Variants in MSI2 observed in about 807,000 individuals in gnomAD.
MSI2 encodes RNA-binding protein Musashi homolog 2.
A neutral mutation model predicts 45.6 loss-of-function variants in MSI2; 17 were observed. That is an observed-to-expected ratio of 0.37 (90% CI 0.26 to 0.56). The LOEUF is 0.56. Ranked by LOEUF, MSI2 falls within the 20% of genes least tolerant of loss-of-function variation. The pLI is 0.77. For synonymous variants in MSI2, 156 were observed against 158.2 expected, an observed-to-expected ratio of 0.99 and a Z score of 0.11; for missense variants, 293 against 444.2, an observed-to-expected ratio of 0.66 and a Z score of 3.06.
intron 6 of MSI2, among the ~76,000 whole-genome samples, chr17:57,447,149 G>A (rs769220548): frequency 4.6e-5 from 7 of 152,250 alleles, no homozygotes; most frequent in Admixed American, 3.9e-4. Flanking sequence ...GTGCAGTGAC[G>A]CGATCATAAC....
At position 57,652,811 on chromosome 17, in the gene MSI2, G is replaced by A. The variant is rs1365884325; in HGVS notation, c.790+650G>A. Among the ~76,000 whole-genome samples, 1 of 152,254 alleles carries A rather than the reference G, an allele frequency of 6.6e-6. No homozygotes were observed. Among genetic ancestry groups the A allele is most frequent in the Non-Finnish European group, 1.5e-5 (1 of 68,050 alleles). On this transcript the variant is annotated intron_variant, in intron 11 of 13. Transcript: ENST00000284073. This position sits in a 1 kb window ranked among gnomAD's most constrained non-coding sequence, Gnocchi z 4.1. ...TCCAAAGCCAACCTTTTGGAGGTCT[G>A]GAACCCCTCAAGTGACATGGGAACA...
chr17:57,367,840 C>T (rs545089846), intron 5 of MSI2, among the ~76,000 whole-genome samples: 1 of 152,162 alleles, frequency 6.6e-6, no homozygotes, highest in Non-Finnish European at 1.5e-5. Context: ...ATGCTGCCAC[C>T]AGGCCATCCC....
chr17:57,540,539 C>G (rs8072972), intron 7 of MSI2, among the ~76,000 whole-genome samples: 7,691 of 152,230 alleles, frequency 0.051, 259 homozygotes, highest in African/African-American at 0.093. Context: ...GAAAGAGGGT[C>G]TTTGGAGGTG....
At chr17:57,304,097 G>A (rs576769563) in intron 5 of MSI2, among the ~76,000 whole-genome samples, 4 of 152,278 alleles carry the variant, frequency 2.6e-5, no homozygotes, top group African/African-American at 9.6e-5. Flanking sequence ...CATGGCTCAC[G>A]CCTGTAATCC....
intron 6 of MSI2, among the ~76,000 whole-genome samples, chr17:57,463,710 G>A (rs1297552227): frequency 3.3e-5 from 5 of 150,362 alleles, no homozygotes; most frequent in Admixed American, 3.3e-4. Flanking sequence ...CACTGCTCCA[G>A]CCCCCTGCTC....
chr17:57,457,512 A>T (rs1446128012), intron 6 of MSI2, among the ~76,000 whole-genome samples: 2 of 152,214 alleles, frequency 1.3e-5, no homozygotes, highest in East Asian at 1.9e-4. Context: ...AATTATCTTT[A>T]GTCTTTAAAT....
chr17:57,396,567 AG>A, intron 5 of MSI2, among the ~76,000 whole-genome samples: 1 of 152,344 alleles, frequency 6.6e-6, no homozygotes, highest in Admixed American at 6.5e-5. Flanking sequence ...GTTTAGAGGC[AG>A]GGAGGTGGAG....
intron 10 of MSI2, among the ~76,000 whole-genome samples, chr17:57,643,634 T>G (rs1373529430): frequency 6.6e-6 from 1 of 152,266 alleles, no homozygotes; most frequent in African/African-American, 2.4e-5. Context: ...TTCTATTTTA[T>G]GCTTCCACAA....
intron 5 of MSI2, among the ~76,000 whole-genome samples, chr17:57,341,158 G>A (rs894485619): frequency 1.3e-5 from 2 of 152,162 alleles, no homozygotes; most frequent in Non-Finnish European, 2.9e-5. Flanking sequence ...GGGCTGGGGT[G>A]GGCCAGGGAA....
At chr17:57,378,699 T>C (rs913211038) in intron 5 of MSI2, among the ~76,000 whole-genome samples, 9 of 152,138 alleles carry the variant, frequency 5.9e-5, no homozygotes, top group African/African-American at 2.2e-4. Flanking sequence ...GCCCGGCCCA[T>C]TTCTTGTTTA....
intron 11 of MSI2, among the ~76,000 whole-genome samples, chr17:57,674,337 C>A (rs765641965): frequency 7.7e-4 from 114 of 148,572 alleles, no homozygotes; most frequent in East Asian, 1.4e-3. Context: ...AAAAAAAAAA[C>A]AAAACAAATT....
intron 5 of MSI2, among the ~76,000 whole-genome samples, chr17:57,296,014 T>G (rs1243296694): frequency 7.1e-6 from 1 of 141,308 alleles, no homozygotes; most frequent in Non-Finnish European, 1.5e-5. Flanking sequence ...TTTTTTTTTT[T>G]TTTTTTTTTT....
intron 10 of MSI2, among the ~76,000 whole-genome samples, chr17:57,641,980 C>T (rs897302755): frequency 2.6e-5 from 4 of 152,188 alleles, no homozygotes; most frequent in Non-Finnish European, 4.4e-5. Context: ...GGGCCAGCGT[C>T]GGAGCCCTTG....
intron 13 of MSI2, 37 bp downstream of exon 13, chr17:57,677,096 G>C: frequency 2.4e-5 from 34 of 1,446,556 alleles, no homozygotes; most frequent in Non-Finnish European, 3.2e-5. Context: ...TGCCCTGCCG[G>C]TGTGTCCGTA....
intron 10 of MSI2, chr17:57,632,146 G>A (rs1909437697): frequency 8.3e-7 from 1 of 1,200,682 alleles, no homozygotes; most frequent in Admixed American, 4.5e-5. Flanking sequence ...CTCCTCAGGG[G>A]AAGCTAGGAA....
chr17:57,402,282 C>T (rs547325897), intron 6 of MSI2, among the ~76,000 whole-genome samples: 126 of 152,242 alleles, frequency 8.3e-4, no homozygotes, highest in African/African-American at 2.9e-3. Flanking sequence ...TTGTGTATAC[C>T]ACCCTCCTCT....
chr17:57,323,180 C>T (rs557035570), intron 5 of MSI2, among the ~76,000 whole-genome samples: 3 of 152,178 alleles, frequency 2.0e-5, no homozygotes, highest in Non-Finnish European at 4.4e-5. Context: ...AAGATTCCCA[C>T]CCCCAAGGCA....
At chr17:57,383,462 G>C (rs2083632816) in intron 5 of MSI2, among the ~76,000 whole-genome samples, 1 of 152,176 alleles carries the variant, frequency 6.6e-6, no homozygotes. Flanking sequence ...TTCGAGACCA[G>C]CCTGGCCAAC....
chr17:57,298,697 G>A lies in MSI2; in HGVS notation c.312+36505G>A, dbSNP rs527853252. On this transcript the variant is annotated intron_variant, in intron 5 of 13. Coordinates refer to ENST00000284073, the MANE Select transcript of MSI2 (RefSeq NM_138962.4). ...GATGTGCTATCATCCAGGCTTTGTT[G>A]TTCAAATTTATAGAGCACAGGCAGA... is the stretch of plus-strand genomic sequence containing the variant. Among the ~76,000 whole-genome samples, 56 of 152,294 alleles carry A rather than the reference G, an allele frequency of 3.7e-4. No homozygotes were observed. The South Asian group carries it at 0.011, about 30-fold the overall frequency.
Sources: allele counts gnomAD v4.1 joint callset (sites outside exome capture counted in the v4.1 genomes callset), GRCh38; gene constraint gnomAD v4.1.1; non-coding constraint Gnocchi (gnomAD v3.1); transcripts MANE v1.5; gene names NCBI Gene and HGNC (gene_info 2026-07-23, HGNC 2026-07-21).